Variants in SHROOM3 observed in about 807,000 individuals in gnomAD.
The protein encoded by SHROOM3 is shroom family member 3.
SHROOM3 carries 47 observed loss-of-function variants against 138.6 expected under a neutral mutation model. That is an observed-to-expected ratio of 0.34 (90% CI 0.27 to 0.43). The LOEUF is 0.43. SHROOM3 is among the 20% of genes least tolerant of loss of function. The probability of loss-of-function intolerance (pLI) is 1.00; values close to 1 mark genes in which losing one functional copy is unlikely to be tolerated. For synonymous variants in SHROOM3, 1,062 were observed against 1,063.3 expected, an observed-to-expected ratio of 1.00 and a Z score of 0.02; for missense variants, 2,491 against 2,596.5, an observed-to-expected ratio of 0.96 and a Z score of 0.88.
intron 2 of SHROOM3, among the ~76,000 whole-genome samples, chr4:76,627,221 T>G (rs1560570327): frequency 6.6e-6 from 1 of 152,154 alleles, no homozygotes; most frequent in Non-Finnish European, 1.5e-5. Context: ...CTCAGGAGGT[T>G]AACACGTGAA....
intron 1 of SHROOM3, among the ~76,000 whole-genome samples, chr4:76,519,642 G>A (rs1732521904): frequency 6.6e-6 from 1 of 152,156 alleles, no homozygotes; most frequent in South Asian, 2.1e-4. Context: ...CTTATGAAGA[G>A]GCAGGTGCCA....
chr4:76,494,440 C>T (rs551444590), intron 1 of SHROOM3, among the ~76,000 whole-genome samples: 2 of 152,352 alleles, frequency 1.3e-5, no homozygotes, highest in Admixed American at 6.5e-5. Context: ...GATCACTTAA[C>T]ACCTCTGCAT....
chr4:76,772,733 G>A (rs1722406849), intron 10 of SHROOM3, among the ~76,000 whole-genome samples: 2 of 152,090 alleles, frequency 1.3e-5, no homozygotes, highest in Non-Finnish European at 2.9e-5. Flanking sequence ...GTGTCTGCTG[G>A]GGACAAATGC....
chr4:76,462,371 CA>C (rs540433752), intron 1 of SHROOM3, among the ~76,000 whole-genome samples: 8 of 140,444 alleles, frequency 5.7e-5, no homozygotes, highest in Admixed American at 7.1e-5. Flanking sequence ...GACTCAGTCT[CA>C]AAAAAAAAAG....
chr4:76,678,974 T>G (rs1304238929), intron 2 of SHROOM3, among the ~76,000 whole-genome samples: 1 of 152,248 alleles, frequency 6.6e-6, no homozygotes, highest in African/African-American at 2.4e-5. Flanking sequence ...GCAATTTTTT[T>G]TAAAAGTAAT....
chr4:76,436,792 C>A (rs887130030), intron 1 of SHROOM3, among the ~76,000 whole-genome samples: 1 of 152,150 alleles, frequency 6.6e-6, no homozygotes. Context: ...CCTTAGTCAT[C>A]CTGCAGCATA....
intron 2 of SHROOM3, among the ~76,000 whole-genome samples, chr4:76,569,993 A>ATT (rs1733803398): frequency 6.6e-6 from 1 of 152,188 alleles, no homozygotes; most frequent in Non-Finnish European, 1.5e-5. Context: ...CTCCGTGGTT[A>ATT]TTCTTCAAAG....
At chr4:76,763,457 TGGGA>T (rs1722050583) in intron 9 of SHROOM3, among the ~76,000 whole-genome samples, 1 of 151,812 alleles carries the variant, frequency 6.6e-6, no homozygotes, top group Non-Finnish European at 1.5e-5. Context: ...CTGAGCTACT[TGGGA>T]GGCTGAGGTG....
intron 2 of SHROOM3, among the ~76,000 whole-genome samples, chr4:76,694,608 A>G (rs1023037283): frequency 1.3e-5 from 2 of 152,220 alleles, no homozygotes; most frequent in African/African-American, 2.4e-5. Context: ...GCTCTGCTAC[A>G]CTAGTAATTT....
At chr4:76,645,592 G>A (rs1735796115) in intron 2 of SHROOM3, 1 of 152,148 alleles carries the variant, frequency 6.6e-6, no homozygotes, top group South Asian at 2.1e-4. Flanking sequence ...AAAGGAGTTT[G>A]GTTTTTTGTT....
chr4:76,508,715 A>C (rs963632025), intron 1 of SHROOM3, among the ~76,000 whole-genome samples: 2 of 152,142 alleles, frequency 1.3e-5, no homozygotes, highest in African/African-American at 4.8e-5. Context: ...AGGTCTTTTA[A>C]ATTTTCTTTC....
chr4:76,522,523 G>A (rs555672982), intron 1 of SHROOM3, among the ~76,000 whole-genome samples: 1 of 152,212 alleles, frequency 6.6e-6, no homozygotes, highest in African/African-American at 2.4e-5. Flanking sequence ...GTTTGGGGCA[G>A]TGGCTCACAC....
intron 1 of SHROOM3, among the ~76,000 whole-genome samples, chr4:76,497,970 G>A (rs1201611056): frequency 6.6e-6 from 1 of 152,226 alleles, no homozygotes; most frequent in Non-Finnish European, 1.5e-5. Context: ...CCTGGTCAAT[G>A]TGAGGACTTC....
chr4:76,717,825 GA>G (rs1302763727), intron 3 of SHROOM3, among the ~76,000 whole-genome samples: 2 of 152,188 alleles, frequency 1.3e-5, no homozygotes, highest in African/African-American at 4.8e-5. Context: ...AGTCATATAT[GA>G]AAAGAAGTAT....
chr4:76,466,035 G>A (rs1325742363), intron 1 of SHROOM3, among the ~76,000 whole-genome samples: 1 of 152,162 alleles, frequency 6.6e-6, no homozygotes, highest in East Asian at 1.9e-4. Flanking sequence ...GCATTTACGT[G>A]TTTGTTGGTC....
intron 2 of SHROOM3, among the ~76,000 whole-genome samples, chr4:76,577,945 CTCT>C (rs1315837024): frequency 6.6e-6 from 1 of 152,098 alleles, no homozygotes; most frequent in Non-Finnish European, 1.5e-5. Context: ...TATTTTCTCT[CTCT>C]TCTTCTTACT....
At chr4:76,505,204 A>G (rs1018089129) in intron 1 of SHROOM3, among the ~76,000 whole-genome samples, 11 of 152,178 alleles carry the variant, frequency 7.2e-5, no homozygotes, top group African/African-American at 2.2e-4. Flanking sequence ...AATGTTGCCA[A>G]TTATAAGCCC....
intron 2 of SHROOM3, among the ~76,000 whole-genome samples, chr4:76,687,183 T>C (rs1016301371): frequency 6.6e-6 from 1 of 152,210 alleles, no homozygotes. Flanking sequence ...ATGTACAAAT[T>C]ACAAGTTCCA....
chr4:76,511,570 A>G (rs951819662), intron 1 of SHROOM3, among the ~76,000 whole-genome samples: 1 of 152,162 alleles, frequency 6.6e-6, no homozygotes, highest in African/African-American at 2.4e-5. Context: ...TTCACCTGTG[A>G]TGAGCAGGGG....
Sources: allele counts gnomAD v4.1 joint callset (sites outside exome capture counted in the v4.1 genomes callset), GRCh38; gene constraint gnomAD v4.1.1; transcripts MANE v1.5; gene names NCBI Gene and HGNC (gene_info 2026-07-23, HGNC 2026-07-21).